ELAVL2: variants seen among roughly 807,000 people sequenced by gnomAD.
ELAVL2 encodes the protein ELAV-like protein 2.
ELAVL2 carries 4 observed loss-of-function variants against 34.6 expected under a neutral mutation model. The ratio of observed to expected loss-of-function variants is 0.12; its 90% CI spans 0.06 to 0.26. The LOEUF (loss-of-function observed/expected upper bound fraction) is 0.26. Among genes scored for constraint, ELAVL2 ranks in the 10% least tolerant of loss-of-function variants. The pLI is 1.00. For synonymous variants in ELAVL2, 193 were observed against 154.8 expected (o/e 1.25, Z -1.83); for missense variants, 432 against 442.8 (o/e 0.98, Z 0.22).
At chr9:23,752,576 T>A (rs746661287) in intron 2 of ELAVL2, among the ~76,000 whole-genome samples, 3 of 151,956 alleles carry the variant, frequency 2.0e-5, no homozygotes, top group African/African-American at 7.2e-5. Context: ...TGTCTCAGCC[T>A]CCTGAAGAGC....
In ELAVL2 at chr9:23,762,350, C is replaced by G. The variant is rs1250000784; in HGVS notation, c.-15-101G>C. The stretch of plus-strand genomic sequence containing the variant: ...CACTTGTCACTAAACACAAGTCGTT[C>G]TAATGAAATTACAACAATGCTTCAA... On this transcript the variant is annotated intron_variant, in intron 1 of 6. Coordinates refer to ENST00000397312, the MANE Select transcript of ELAVL2 (RefSeq NM_004432.5). The G allele has an allele frequency of 1.3e-5, 19 of 1,449,582 alleles. No homozygotes were observed. The African/African-American group carries it at 2.6e-4, about 19-fold the overall frequency. 89.8% of individuals were successfully genotyped at this position (1,449,582 alleles called of 1,614,324 possible). A position where few individuals can be genotyped will look rare whatever the true frequency, so the allele number is the denominator to read the frequency against.
intron 1 of ELAVL2, among the ~76,000 whole-genome samples, chr9:23,779,961 A>T (rs936051223): frequency 3.2e-5 from 3 of 95,202 alleles, no homozygotes; most frequent in Non-Finnish European, 5.9e-5. Context: ...TTTCCCCAGA[A>T]TCGGTGATAG....
At chr9:23,798,660 T>G (rs906882320) in intron 1 of ELAVL2, among the ~76,000 whole-genome samples, 1 of 152,042 alleles carries the variant, frequency 6.6e-6, no homozygotes, top group African/African-American at 2.4e-5. Context: ...TTGTAGGGGG[T>G]GTGTGTGGGA....
intron 5 of ELAVL2, among the ~76,000 whole-genome samples, chr9:23,699,265 C>T (rs1014925310): frequency 6.6e-6 from 1 of 152,172 alleles, no homozygotes; most frequent in African/African-American, 2.4e-5. Flanking sequence ...CCATCAACAA[C>T]CTAGCACCTG....
chr9:23,693,406 C>A, intron 6 of ELAVL2, 42 bp downstream of exon 6: 2 of 1,611,650 alleles, frequency 1.2e-6, no homozygotes, highest in East Asian at 2.2e-5. Context: ...AACCAATCAA[C>A]TGTGGAAAGG....
At chr9:23,822,456 C>T (rs1386838503) in intron 1 of ELAVL2, among the ~76,000 whole-genome samples, 5 of 152,190 alleles carry the variant, frequency 3.3e-5, no homozygotes, top group East Asian at 3.9e-4. Context: ...CCTTCTATCG[C>T]CCCCCAACTC....
chr9:23,698,881 C>A (rs1282221131), intron 5 of ELAVL2, among the ~76,000 whole-genome samples: 1 of 152,162 alleles, frequency 6.6e-6, no homozygotes, highest in Non-Finnish European at 1.5e-5. Flanking sequence ...CAAACACTAT[C>A]TCTGAGCACA....
chr9:23,783,804 T>C (rs1049558415), intron 1 of ELAVL2, among the ~76,000 whole-genome samples: 1 of 151,056 alleles, frequency 6.6e-6, no homozygotes, highest in African/African-American at 2.4e-5. Flanking sequence ...AAAAAAAAAA[T>C]CAGGCTCAGA....
intron 2 of ELAVL2, among the ~76,000 whole-genome samples, chr9:23,755,726 TACAG>T (rs1412964102): frequency 1.3e-5 from 2 of 152,148 alleles, no homozygotes; most frequent in Non-Finnish European, 2.9e-5. Context: ...TCTCCTTTCC[TACAG>T]ACCTAAGAAC....
At chr9:23,838,122 C>T in the ELAVL2 span, among the ~76,000 whole-genome samples, 52 of 151,956 alleles carry the variant, frequency 3.4e-4, no homozygotes, top group African/African-American at 1.1e-3. Flanking sequence ...TATTATTAAG[C>T]ATATTAAACA....
chr9:23,783,525 G>A, intron 1 of ELAVL2: 2 of 985,364 alleles, frequency 2.0e-6, no homozygotes, highest in East Asian at 1.1e-4. Context: ...CTTGGAGATG[G>A]AGCTTTCAAA....
intron 2 of ELAVL2, among the ~76,000 whole-genome samples, chr9:23,761,024 C>G (rs899085852): frequency 6.6e-6 from 1 of 152,012 alleles, no homozygotes; most frequent in Non-Finnish European, 1.5e-5. Context: ...CAATGGAAAC[C>G]AGAAGTCTAG....
In ELAVL2 at chr9:23,691,784, T is replaced by A. The variant is rs917386183; in HGVS notation, c.*773A>T. 6.6e-5 allele frequency: 10 copies of A among 152,594 alleles called. No individual in the cohort carries two copies. Among genetic ancestry groups the A allele is most frequent in the African/African-American group, 2.4e-4 (10 of 41,444 alleles). 9.5% of individuals were successfully genotyped at this position (152,594 alleles called of 1,614,324 possible). On this transcript the variant is annotated 3_prime_UTR_variant, in exon 7 of 7. Transcript: ENST00000397312. ...TTTCCAACCGCTGCAAATTTCCTGGTAAATTTTAAAAGCTCACTAGGTGTC... is the reference window on the plus strand; with the variant it reads ...TTTCCAACCGCTGCAAATTTCCTGGAAAATTTTAAAAGCTCACTAGGTGTC...
intron 1 of ELAVL2, among the ~76,000 whole-genome samples, chr9:23,811,747 A>C (rs2063035507): frequency 6.6e-6 from 1 of 152,026 alleles, no homozygotes; most frequent in African/African-American, 2.4e-5. Context: ...CCTCAGATCT[A>C]CTCTTCTGGG....
At chr9:23,809,547 T>C (rs938404556) in intron 1 of ELAVL2, among the ~76,000 whole-genome samples, 1 of 152,202 alleles carries the variant, frequency 6.6e-6, no homozygotes, top group African/African-American at 2.4e-5. Flanking sequence ...ATTGAAATTC[T>C]AGTAAGATTA....
chr9:23,706,099 C>T (rs1472687914), intron 3 of ELAVL2, among the ~76,000 whole-genome samples: 14 of 152,126 alleles, frequency 9.2e-5, no homozygotes, highest in Non-Finnish European at 1.8e-4. Context: ...TCTTCTCATC[C>T]ACAGGTCTTT....
Position 23,786,802 on chromosome 9 carries a change from A to AAAAAC in ELAVL2, c.-15-24554_-15-24553insGTTTT, listed in dbSNP as rs1554747169. Among the ~76,000 whole-genome samples, 8 of 127,330 alleles carry AAAAAC rather than the reference A, an allele frequency of 6.3e-5. No individual in the cohort carries two copies. In the East Asian group the frequency reaches 1.2e-3, roughly 19 times the overall value. 83.5% of individuals were successfully genotyped at this position (127,330 alleles called of 152,430 possible). The stretch of plus-strand genomic sequence containing the variant: ...GTGGCAAAAAAAAAAAAAAAAAAAA[A>AAAAAC]AGAGAGAGAGAGAAAGGAAAGCCTT... On this transcript the variant is annotated intron_variant, in intron 1 of 6. Coordinates refer to ENST00000397312, the MANE Select transcript of ELAVL2 (RefSeq NM_004432.5).
intron 4 of ELAVL2, among the ~76,000 whole-genome samples, chr9:23,704,200 T>A (rs1414173631): frequency 6.7e-6 from 1 of 149,326 alleles, no homozygotes; most frequent in Admixed American, 6.9e-5. Context: ...CCAAAGTGCT[T>A]GGATTATAGG....
the ELAVL2 span, among the ~76,000 whole-genome samples, chr9:23,850,261 G>T: frequency 4.3e-5 from 5 of 117,414 alleles, no homozygotes; most frequent in African/African-American, 1.6e-4. Flanking sequence ...GCACCCCCGC[G>T]ATTACCCGAG....
Sources: gnomAD v4.1 joint callset for allele counts (sites outside exome capture counted in the v4.1 genomes callset) on GRCh38, gnomAD v4.1.1 for gene constraint, MANE v1.5 for transcripts, NCBI Gene and HGNC (gene_info 2026-07-23, HGNC 2026-07-21) for gene names.